Variants in TNIK observed in about 807,000 individuals in gnomAD.
TNIK encodes the protein TRAF2 and NCK interacting kinase.
Under a neutral mutation model 191.3 loss-of-function variants are expected in TNIK, and 49 were observed. That is an observed-to-expected ratio of 0.26 (90% CI 0.20 to 0.32). The LOEUF (loss-of-function observed/expected upper bound fraction) is 0.32. Ranked by LOEUF, TNIK falls within the 10% of genes least tolerant of loss-of-function variation. The pLI is 1.00. For synonymous variants in TNIK, 594 were observed against 600.9 expected (o/e 0.99, Z 0.17); for missense variants, 1,155 against 1,702.3 (o/e 0.68, Z 5.66).
intron 2 of TNIK, among the ~76,000 whole-genome samples, chr3:171,288,197 T>C (rs1027089232): frequency 7.1e-5 from 10 of 140,816 alleles, no homozygotes; most frequent in South Asian, 2.5e-4. Context: ...AGGGATAGCA[T>C]TGGGAGATAT....
chr3:171,259,418 G>A (rs1747316566), intron 2 of TNIK, among the ~76,000 whole-genome samples: 1 of 152,158 alleles, frequency 6.6e-6, no homozygotes, highest in South Asian at 2.1e-4. Flanking sequence ...CACTCTGCCT[G>A]GTGGCCTAGA....
intron 2 of TNIK, among the ~76,000 whole-genome samples, chr3:171,268,049 C>T (rs2109170532): frequency 6.6e-6 from 1 of 152,254 alleles, no homozygotes; most frequent in African/African-American, 2.4e-5. Context: ...CTGAGGAGTC[C>T]TTCTGGAAAA....
chr3:171,120,164 C>CAT lies in TNIK; in HGVS notation c.2120+3430_2120+3431dup, dbSNP rs199617328. Reference sequence around the variant, plus strand: ...GTACTAAATAGTTTACTGATTTAAACATATGTGTCCCAAATGATCAAAAAA... The same window carrying CAT: ...GTACTAAATAGTTTACTGATTTAAACATATATGTGTCCCAAATGATCAAAAAA... On this transcript the variant is annotated intron_variant, in intron 18 of 32. Transcript: ENST00000436636. 2.0e-5 allele frequency among the ~76,000 whole-genome samples: 3 copies of CAT among 152,256 alleles called. No homozygotes were observed. In the East Asian group the frequency reaches 5.8e-4, roughly 29 times the overall value.
rs60306915 is a variant in TNIK, at chr3:171,392,778, C to CAA, written c.58-23095_58-23094dup. On this transcript the variant is annotated intron_variant, in intron 1 of 32. Transcript: ENST00000436636. ...TGGGTGACAGAACGAGATTCTGTCT[C>CAA]AAAAAAAAAAAAAAAAAGAAAAGAA... 3.4e-3 allele frequency among the ~76,000 whole-genome samples: 321 copies of CAA among 95,248 alleles called. 7 individuals carry two copies. Among genetic ancestry groups the CAA allele is most frequent in the African/African-American group, 0.012 (305 of 25,094 alleles). 62.5% of individuals were successfully genotyped at this position (95,248 alleles called of 152,430 possible).
At chr3:171,401,515 G>A (rs1012089810) in intron 1 of TNIK, among the ~76,000 whole-genome samples, 1 of 152,008 alleles carries the variant, frequency 6.6e-6, no homozygotes, top group Non-Finnish European at 1.5e-5. Context: ...GAGGGTTCAG[G>A]GTTCTCTCAA....
intron 3 of TNIK, among the ~76,000 whole-genome samples, chr3:171,214,487 A>G (rs1313737507): frequency 6.6e-6 from 1 of 152,238 alleles, no homozygotes; most frequent in Non-Finnish European, 1.5e-5. Flanking sequence ...AATTTATCAT[A>G]AAGGATCACA....
chr3:171,107,593 G>A (rs1467068222), intron 20 of TNIK, among the ~76,000 whole-genome samples: 1 of 152,122 alleles, frequency 6.6e-6, no homozygotes, highest in Non-Finnish European at 1.5e-5. Flanking sequence ...AAGTTGTTAC[G>A]ACGCCTGTTG....
intron 1 of TNIK, among the ~76,000 whole-genome samples, chr3:171,390,153 C>T (rs148873069): frequency 6.6e-5 from 10 of 152,218 alleles, no homozygotes; most frequent in South Asian, 4.1e-4. Flanking sequence ...CTTTGTGGCA[C>T]GAATTTACCA....
intron 1 of TNIK, among the ~76,000 whole-genome samples, chr3:171,430,309 C>G (rs570588493): frequency 6.6e-6 from 1 of 152,076 alleles, no homozygotes; most frequent in Non-Finnish European, 1.5e-5. Flanking sequence ...AATGCCTTTA[C>G]GCTAAACAAT....
rs926066712 is a variant in TNIK at position 171,443,564 on chromosome 3, T to C, written c.57+16443A>G. 3.3e-5 allele frequency among the ~76,000 whole-genome samples: 5 copies of C among 152,042 alleles called. No homozygotes were observed. The South Asian group carries it at 1.0e-3, about 32-fold the overall frequency. ...AAGGCTTGAACAGGGCCCAGCACAC[T>C]GGCTCCTACCTGTAATCCCAGCACT... On this transcript the variant is annotated intron_variant, in intron 1 of 32. Transcript: ENST00000436636.
At chr3:171,126,290 A>G (rs1353717005) in intron 16 of TNIK, 139 bp from the exon 17 acceptor site, 6 of 1,081,140 alleles carry the variant, frequency 5.5e-6, no homozygotes, top group African/African-American at 4.9e-5. Flanking sequence ...ACAACTATAT[A>G]TAGCATGTTT....
chr3:171,223,730 G>A (rs111451406), intron 3 of TNIK, among the ~76,000 whole-genome samples: 12 of 152,232 alleles, frequency 7.9e-5, no homozygotes, highest in South Asian at 2.1e-4. Context: ...GTTCTGGCAC[G>A]TAGTAATCAC....
chr3:171,325,411 A>G (rs942101454), intron 2 of TNIK, among the ~76,000 whole-genome samples: 2 of 152,132 alleles, frequency 1.3e-5, no homozygotes, highest in Non-Finnish European at 2.9e-5. Context: ...GCTAATAAGA[A>G]CTAATTAACA....
At chr3:171,158,747 T>C (rs549843879) in intron 11 of TNIK, among the ~76,000 whole-genome samples, 11 of 152,324 alleles carry the variant, frequency 7.2e-5, no homozygotes, top group African/African-American at 2.4e-4. Flanking sequence ...ATAGGCTCTA[T>C]AGAAGACTAA....
At chr3:171,340,587 T>C (rs747826155) in intron 2 of TNIK, among the ~76,000 whole-genome samples, 2 of 152,202 alleles carry the variant, frequency 1.3e-5, no homozygotes, top group Non-Finnish European at 2.9e-5. Flanking sequence ...GCCTTGTTGA[T>C]TATACTTACT....
intron 2 of TNIK, among the ~76,000 whole-genome samples, chr3:171,289,989 C>T (rs115701018): frequency 0.024 from 3,636 of 151,498 alleles, 75 homozygotes; most frequent in Middle Eastern, 0.094. Flanking sequence ...TCTTCTAATA[C>T]GATTCATTTG....
At chr3:171,347,814 G>A (rs1712508690) in intron 2 of TNIK, among the ~76,000 whole-genome samples, 3 of 152,186 alleles carry the variant, frequency 2.0e-5, no homozygotes, top group African/African-American at 7.2e-5. Flanking sequence ...ACCTAGGGAA[G>A]TGACTTCTTA....
chr3:171,325,673 T>C (rs1755673205), intron 2 of TNIK, among the ~76,000 whole-genome samples: 1 of 152,218 alleles, frequency 6.6e-6, no homozygotes, highest in Middle Eastern at 3.2e-3. Context: ...CTGGCAACTT[T>C]AATTGTGGCC....
chr3:171,103,144 A>T (rs760013646), intron 21 of TNIK, among the ~76,000 whole-genome samples: 1 of 152,032 alleles, frequency 6.6e-6, no homozygotes, highest in Non-Finnish European at 1.5e-5. Context: ...TAAAAATTCA[A>T]CCTTTGCATT....
Sources: allele counts gnomAD v4.1 joint callset (sites outside exome capture counted in the v4.1 genomes callset), GRCh38; gene constraint gnomAD v4.1.1; transcripts MANE v1.5; gene names NCBI Gene and HGNC (gene_info 2026-07-23, HGNC 2026-07-21).